The following KNTC1 variants were observed in gnomAD, a reference collection of about 807,000 sequenced individuals.
KNTC1 encodes the protein kinetochore-associated protein 1.
A neutral mutation model predicts 314.4 loss-of-function variants in KNTC1; 253 were observed. The observed-to-expected ratio is 0.80, with a 90% CI of 0.73 to 0.89. The LOEUF (loss-of-function observed/expected upper bound fraction) is 0.89, where lower values mean the gene tolerates loss of function less well. KNTC1 is among the 40% of genes least tolerant of loss of function. KNTC1 has a pLI of 0.00. For missense variants in KNTC1, 2,475 were observed against 2,572.9 expected (o/e 0.96, Z 0.82); for synonymous variants, 901 against 901.4 (o/e 1.00, Z 0.01).
At chr12:122,611,766 A>G (rs1377720311) in intron 53 of KNTC1, 3 of 152,202 alleles carry the variant, frequency 2.0e-5, no homozygotes, top group Non-Finnish European at 4.4e-5. Flanking sequence ...ACGGTGTCAT[A>G]TTTGCATGTC....
At position 122,621,550 on chromosome 12, in the gene KNTC1, G is replaced by A. The variant is rs535349330; in HGVS notation, c.6280-331G>A. 9.2e-5 allele frequency among the ~76,000 whole-genome samples: 14 copies of A among 152,332 alleles called. No individual in the cohort carries two copies. In the South Asian group the frequency reaches 2.7e-3, roughly 29 times the overall value. On this transcript the variant is annotated intron_variant, in intron 60 of 63. Transcript: ENST00000333479. ...GGGTTTTGCTATGTTGGCCAGGCAG[G>A]TCTCGAACTCCTGACCTGAGGCAAT... is the stretch of plus-strand genomic sequence containing the variant.
At chr12:122,568,549 C>T (rs972551302) in intron 21 of KNTC1, among the ~76,000 whole-genome samples, 177 bp downstream of exon 21, 1 of 152,062 alleles carries the variant, frequency 6.6e-6, no homozygotes, top group Admixed American at 6.6e-5. Flanking sequence ...AAAGACTTTC[C>T]CCATGGGCTG....
intron 20 of KNTC1, among the ~76,000 whole-genome samples, chr12:122,566,702 C>T (rs959294370): frequency 6.6e-6 from 1 of 151,672 alleles, no homozygotes; most frequent in African/African-American, 2.4e-5. Flanking sequence ...AGCCACTGCA[C>T]CCAGCCAACT....
At chr12:122,613,026 G>A (rs1389208542) in intron 53 of KNTC1, 86 bp from the exon 54 acceptor site, 2 of 736,134 alleles carry the variant, frequency 2.7e-6, no homozygotes, top group Non-Finnish European at 4.9e-6. Context: ...AAATAATGAC[G>A]TTGTTTATGT....
rs775527571 is a variant in KNTC1 at position 122,539,706 on chromosome 12, C to G, written c.397C>G (p.Arg133Gly). ...AFVQKANDEN[R>G]RTYQNLVIEK... ...TGTTCAGAAAGCTAACGATGAAAATCGGCGGACTTACCAGAATCTTGTCAT... is the reference window on the plus strand; with the variant it reads ...TGTTCAGAAAGCTAACGATGAAAATGGGCGGACTTACCAGAATCTTGTCAT... Residue 133 changes from arginine (R) to glycine (G), a missense_variant, in exon 5 of 64, where the codon CGG becomes GGG. Physicochemically the swap from Arg to Gly is moderately radical, Grantham distance 125 (BLOSUM62 -2). Coordinates refer to ENST00000333479, the MANE Select transcript of KNTC1 (RefSeq NM_014708.6). 2 of 1,580,420 alleles carry G rather than the reference C, an allele frequency of 1.3e-6. No individual in the cohort carries two copies. The highest frequency in any genetic ancestry group is 1.4e-5 in the African/African-American group (1 of 73,764).
At chr12:122,613,375 G>T in intron 54 of KNTC1, 145 bp downstream of exon 54, 1 of 675,052 alleles carries the variant, frequency 1.5e-6, no homozygotes, top group Non-Finnish European at 2.4e-6. Context: ...TTGACATTTT[G>T]GCAAAGGGAA....
At chr12:122,607,420 T>C (rs372377657) in intron 51 of KNTC1, among the ~76,000 whole-genome samples, 6 of 152,216 alleles carry the variant, frequency 3.9e-5, no homozygotes, top group East Asian at 3.9e-4. Context: ...TTTATGATAT[T>C]GACATTTTTG....
At chr12:122,623,912 C>G (rs926740919) in intron 62 of KNTC1, among the ~76,000 whole-genome samples, 16 of 152,046 alleles carry the variant, frequency 1.1e-4, no homozygotes, top group African/African-American at 3.9e-4. Flanking sequence ...ACTAAAAATA[C>G]AAAAAGTTAG....
intron 27 of KNTC1, among the ~76,000 whole-genome samples, chr12:122,574,739 T>C (rs1282752313): frequency 6.6e-6 from 1 of 152,180 alleles, no homozygotes. Flanking sequence ...TTACAGAAAA[T>C]AAAAAGTGAA....
chr12:122,622,396 T>TATAGATTAGAAGTCTGATTCTA, intron 61 of KNTC1, 66 bp from the exon 62 acceptor site: 5 of 1,322,714 alleles, frequency 3.8e-6, no homozygotes, highest in Non-Finnish European at 5.2e-6. Context: ...CCTGTCATTC[T>TATAGATTAGAAGTCTGATTCTA]ATAGATTAGA....
chr12:122,609,648 G>A (rs958539007), intron 52 of KNTC1, among the ~76,000 whole-genome samples: 2 of 151,860 alleles, frequency 1.3e-5, no homozygotes, highest in African/African-American at 4.8e-5. Context: ...CTGCGAGGGC[G>A]AGGGTTCCTA....
rs558579547 is a variant in KNTC1 at position 122,536,253 on chromosome 12, A to T, written c.250+1469A>T. ...GAAATTTTTTTTTTTTTTGAGATGTAGTCTCGCACTGTCGCCTAGGCCGGA... is the reference window on the plus strand; with the variant it reads ...GAAATTTTTTTTTTTTTTGAGATGTTGTCTCGCACTGTCGCCTAGGCCGGA... On this transcript the variant is annotated intron_variant, in intron 3 of 63. Coordinates refer to ENST00000333479, the MANE Select transcript of KNTC1 (RefSeq NM_014708.6). Among the ~76,000 whole-genome samples, 4 of 145,278 alleles carry T rather than the reference A, an allele frequency of 2.8e-5. No homozygotes were observed. The South Asian group carries it at 8.7e-4, about 32-fold the overall frequency.
chr12:122,549,108 T>A (rs867428729), intron 12 of KNTC1, among the ~76,000 whole-genome samples: 4 of 152,202 alleles, frequency 2.6e-5, no homozygotes, highest in Non-Finnish European at 4.4e-5. Flanking sequence ...CAGGAGTGTG[T>A]GTAGTGGTGC....
intron 8 of KNTC1, among the ~76,000 whole-genome samples, chr12:122,545,807 C>T (rs1031321289): frequency 6.6e-6 from 1 of 151,744 alleles, no homozygotes; most frequent in Non-Finnish European, 1.5e-5. Context: ...GTAAATTAGC[C>T]GGGTGTGGTG....
At chr12:122,572,888 C>T (rs761310055) in intron 24 of KNTC1, 49 bp from the exon 25 acceptor site, 3 of 1,334,720 alleles carry the variant, frequency 2.2e-6, no homozygotes, top group Admixed American at 2.3e-5. Context: ...CTATTTTTCT[C>T]TCATACTTTT....
intron 28 of KNTC1, 47 bp downstream of exon 28, chr12:122,575,693 A>C (rs1227985065): frequency 6.7e-7 from 1 of 1,503,140 alleles, no homozygotes; most frequent in Admixed American, 1.9e-5. Flanking sequence ...CTGGAGAAAC[A>C]TTGTGTTTTG....
At chr12:122,580,711 A>G (rs1417646030) in intron 33 of KNTC1, 41 bp downstream of exon 33, 10 of 1,339,532 alleles carry the variant, frequency 7.5e-6, no homozygotes, top group East Asian at 2.5e-5. Flanking sequence ...TACTTGACCA[A>G]TCAGTGCATT....
At chr12:122,618,633 C>G (rs1874058610) in intron 59 of KNTC1, 88 bp downstream of exon 59, 1 of 987,278 alleles carries the variant, frequency 1.0e-6, no homozygotes. Flanking sequence ...TGAGTAATTC[C>G]TTTTTGTTAG....
At chr12:122,613,296 T>G (rs1057076940) in intron 54 of KNTC1, 66 bp downstream of exon 54, 2 of 1,073,674 alleles carry the variant, frequency 1.9e-6, no homozygotes, top group Admixed American at 1.9e-5. Context: ...GCTGTACCTT[T>G]TAAGCCCTGA....
Sources: gnomAD v4.1 joint callset for allele counts (sites outside exome capture counted in the v4.1 genomes callset) on GRCh38, gnomAD v4.1.1 for gene constraint, MANE v1.5 for transcripts, NCBI Gene and HGNC (gene_info 2026-07-23, HGNC 2026-07-21) for gene names.